The following CAMK1G variants were observed in gnomAD, a reference collection of about 807,000 sequenced individuals.
CAMK1G encodes the protein calcium/calmodulin dependent protein kinase IG, also known as calcium/calmodulin-dependent protein kinase type 1G.
In CAMK1G, 27 loss-of-function variants were observed where a neutral mutation model predicts 54.8. The ratio of observed to expected loss-of-function variants is 0.49; its 90% CI spans 0.36 to 0.68. The LOEUF (loss-of-function observed/expected upper bound fraction) is 0.68, where lower values mean the gene tolerates loss of function less well. Among genes scored for constraint, CAMK1G ranks in the 30% least tolerant of loss-of-function variants. CAMK1G has a pLI of 0.00. For missense variants in CAMK1G, 512 were observed against 591.0 expected (o/e 0.87, Z 1.39); for synonymous variants, 238 against 224.9 (o/e 1.06, Z -0.52).
chr1:209,612,286 A>T (rs1665803357), intron 11 of CAMK1G, 70 bp downstream of exon 11: 2 of 1,521,360 alleles, frequency 1.3e-6, no homozygotes, highest in East Asian at 4.6e-5. Context: ...GGACTGAAAG[A>T]AATGGACACA....
At chr1:209,611,718 G>C (rs1235261994) in intron 10 of CAMK1G, 74 bp from the exon 11 acceptor site, 2 of 1,559,424 alleles carry the variant, frequency 1.3e-6, no homozygotes, top group Non-Finnish European at 8.7e-7. Context: ...GAGGCCACAA[G>C]GCAAAGGGAA....
intron 2 of CAMK1G, 116 bp from the exon 3 acceptor site, chr1:209,599,867 G>A (rs984608221): frequency 7.3e-5 from 89 of 1,214,568 alleles, no homozygotes; most frequent in Non-Finnish European, 9.5e-5. Context: ...TTCAGTATAT[G>A]CCTTTGTGGT....
At chr1:209,598,058 C>T (rs1190287090) in intron 2 of CAMK1G, among the ~76,000 whole-genome samples, 1 of 152,190 alleles carries the variant, frequency 6.6e-6, no homozygotes, top group Non-Finnish European at 1.5e-5. Context: ...AGTTAAGTGA[C>T]TTTTTATCCC....
intron 1 of CAMK1G, among the ~76,000 whole-genome samples, chr1:209,586,173 G>T (rs914340349): frequency 3.9e-5 from 6 of 152,146 alleles, no homozygotes; most frequent in Admixed American, 6.5e-5. Context: ...TGCCTAGCTG[G>T]GAAGGTTAAT....
chr1:209,613,034 T>C lies in CAMK1G; in HGVS notation c.*38-6T>C, dbSNP rs1322455862. 17 of 589,882 alleles carry C rather than the reference T, an allele frequency of 2.9e-5. No homozygotes were observed. The Admixed American group carries it at 4.5e-4, about 16-fold the overall frequency. 36.5% of individuals were successfully genotyped at this position (589,882 alleles called of 1,614,324 possible). ...CCTCCTCACTCTGAGCCCCTTTCTC[T>C]TGCAGGAGACATATTCAACTCCTCT... On this transcript the variant is annotated splice_polypyrimidine_tract_variant and splice_region_variant and intron_variant, in intron 12 of 12. Coordinates refer to ENST00000361322, the MANE Select transcript of CAMK1G (RefSeq NM_020439.3).
chr1:209,613,178 C>T lies in CAMK1G; in HGVS notation c.*176C>T. 3.1e-6 allele frequency: 1 copy of T among 323,914 alleles called. No individual in the cohort carries two copies. The highest frequency in any genetic ancestry group is 6.0e-6 in the Non-Finnish European group (1 of 166,724). 20.1% of individuals were successfully genotyped at this position (323,914 alleles called of 1,614,324 possible). On this transcript the variant is annotated 3_prime_UTR_variant, in exon 13 of 13. Coordinates refer to ENST00000361322, the MANE Select transcript of CAMK1G (RefSeq NM_020439.3). ...GCCTGCTGCCAGCGGGGCAGCCCCTCATAGGAGGCCCAGGAGGGAGCCCCA... is the reference window on the plus strand; with the variant it reads ...GCCTGCTGCCAGCGGGGCAGCCCCTTATAGGAGGCCCAGGAGGGAGCCCCA...
At chr1:209,590,924 A>C (rs1448846797) in intron 1 of CAMK1G, among the ~76,000 whole-genome samples, 1 of 152,030 alleles carries the variant, frequency 6.6e-6, no homozygotes, top group African/African-American at 2.4e-5. Context: ...ATTAACATGC[A>C]ATAATGGACA....
In CAMK1G at chr1:209,604,015, G is replaced by A. The variant is rs573923861; in HGVS notation, c.296+727G>A. 2.6e-5 allele frequency among the ~76,000 whole-genome samples: 4 copies of A among 152,226 alleles called. No homozygotes were observed. The South Asian group carries it at 8.3e-4, about 32-fold the overall frequency. On this transcript the variant is annotated intron_variant, in intron 4 of 12. Coordinates refer to ENST00000361322, the MANE Select transcript of CAMK1G (RefSeq NM_020439.3). The stretch of plus-strand genomic sequence containing the variant: ...CAGCATTGGGCTCAAAGACACTTCT[G>A]TTTATAAAGTACACACACACACACA...
intron 4 of CAMK1G, 89 bp from the exon 5 acceptor site, chr1:209,605,447 C>T: frequency 6.7e-7 from 1 of 1,486,752 alleles, no homozygotes; most frequent in East Asian, 2.3e-5. Flanking sequence ...TCCACTGCAG[C>T]TGTGTCCCCC....
chr1:209,609,237 C>G lies in CAMK1G; in HGVS notation c.748+145C>G, dbSNP rs561323711. ...AGGCTGCCAAGGAAAGTGGAGAAAT[C>G]TTCGTCTGCTTCAAAGACCCGATAA... On this transcript the variant is annotated intron_variant, in intron 8 of 12. Transcript: ENST00000361322. 2.1e-4 allele frequency: 190 copies of G among 907,296 alleles called. No homozygotes were observed. The African/African-American group carries it at 3.1e-3, about 15-fold the overall frequency. The allele number at this position is 907,296 out of a possible 1,614,324, so 56.2% of individuals were successfully genotyped here.
chr1:209,612,978 G>T, intron 12 of CAMK1G, 62 bp from the exon 13 acceptor site: 1 of 854,370 alleles, frequency 1.2e-6, no homozygotes, highest in Non-Finnish European at 1.9e-6. Flanking sequence ...CCATGCCAGA[G>T]TGTGAGTGAT....
chr1:209,606,353 A>G lies in CAMK1G; in HGVS notation c.469A>G (p.Asn157Asp). The change falls in exon 6 of 13, where the codon AAC becomes GAC. Residue 157 changes from asparagine to aspartate, a missense_variant. Asn to Asp is a conservative substitution (Grantham distance 23). Coordinates refer to ENST00000361322, the MANE Select transcript of CAMK1G (RefSeq NM_020439.3). ...ENLLYLTPEENSKIMITDFGL... is the reference protein window; with the variant it reads ...ENLLYLTPEEDSKIMITDFGL... Reference sequence around the variant, plus strand: ...CCTGCTTTACCTTACCCCTGAAGAGAACTCTAAGATCATGATCACTGACTT... The same window carrying G: ...CCTGCTTTACCTTACCCCTGAAGAGGACTCTAAGATCATGATCACTGACTT... 1 of 1,614,030 alleles carries G rather than the reference A, an allele frequency of 6.2e-7. No individual in the cohort carries two copies. Among genetic ancestry groups the G allele is most frequent in the South Asian group, 1.1e-5 (1 of 91,064 alleles).
At chr1:209,607,679 G>A (rs1665684614) in intron 6 of CAMK1G, 179 bp from the exon 7 acceptor site, 1 of 549,774 alleles carries the variant, frequency 1.8e-6, no homozygotes. Flanking sequence ...CTCTTTTCAG[G>A]AAGATTTAGT....
At position 209,605,781 on chromosome 1, in the gene CAMK1G, C is replaced by G; in HGVS notation, c.435+107C>G. The G allele has an allele frequency of 2.7e-6, 3 of 1,113,918 alleles. 1 individual carries two copies. Among genetic ancestry groups the G allele is most frequent in the Middle Eastern group, 6.1e-4 (2 of 3,256 alleles). The allele number at this position is 1,113,918 out of a possible 1,614,324, so 69.0% of individuals were successfully genotyped here. ...TAAAGTAAGAGGGTTGGACTAGTGA[C>G]TCCCAAGGCCCCTTCTGCCCTTAGA... is the stretch of plus-strand genomic sequence containing the variant. On this transcript the variant is annotated intron_variant, in intron 5 of 12. Transcript: ENST00000361322.
intron 9 of CAMK1G, among the ~76,000 whole-genome samples, chr1:209,610,909 A>G (rs1398177939): frequency 1.3e-5 from 2 of 152,156 alleles, no homozygotes; most frequent in African/African-American, 4.8e-5. Context: ...ATAAGAGGCT[A>G]AGGGGATAGG....
chr1:209,597,917 T>A (rs573859663), intron 2 of CAMK1G, among the ~76,000 whole-genome samples: 1 of 152,222 alleles, frequency 6.6e-6, no homozygotes, highest in Non-Finnish European at 1.5e-5. Context: ...CTAACACTTA[T>A]GGTCTTAATA....
At chr1:209,608,817 G>A (rs1297075769) in intron 7 of CAMK1G, 163 bp from the exon 8 acceptor site, 1 of 520,566 alleles carries the variant, frequency 1.9e-6, no homozygotes, top group Non-Finnish European at 2.5e-6. Context: ...TACGGGACCT[G>A]TACCATTCTG....
At chr1:209,605,741 G>C in intron 5 of CAMK1G, 67 bp downstream of exon 5, 1 of 1,499,496 alleles carries the variant, frequency 6.7e-7, no homozygotes. Context: ...TGGGTCATGG[G>C]ACATCTAAGC....
intron 1 of CAMK1G, among the ~76,000 whole-genome samples, chr1:209,589,515 C>A (rs1185189554): frequency 2.0e-5 from 3 of 152,152 alleles, no homozygotes; most frequent in Non-Finnish European, 2.9e-5. Flanking sequence ...AAGAATACAT[C>A]CACCCACCTT....
Sources: allele counts gnomAD v4.1 joint callset (sites outside exome capture counted in the v4.1 genomes callset), GRCh38; gene constraint gnomAD v4.1.1; transcripts MANE v1.5; gene names NCBI Gene and HGNC (gene_info 2026-07-23, HGNC 2026-07-21).